Variants in PHYHIPL observed in about 807,000 individuals in gnomAD.
PHYHIPL encodes phytanoyl-CoA 2-hydroxylase interacting protein like, also known as phytanoyl-CoA hydroxylase-interacting protein-like.
Under a neutral mutation model 33.4 loss-of-function variants are expected in PHYHIPL, and 9 were observed. The observed-to-expected ratio is 0.27, with a 90% confidence interval of 0.16 to 0.47. The LOEUF is 0.47. Among genes scored for constraint, PHYHIPL ranks in the 20% least tolerant of loss-of-function variants. PHYHIPL has a pLI of 0.99. For synonymous variants in PHYHIPL, 153 were observed against 154.1 expected (o/e 0.99, Z 0.05); for missense variants, 365 against 460.7 (o/e 0.79, Z 1.90).
intron 1 of PHYHIPL, among the ~76,000 whole-genome samples, chr10:59,210,890 CAG>C (rs1564709800): frequency 6.6e-6 from 1 of 151,960 alleles, no homozygotes; most frequent in Non-Finnish European, 1.5e-5. Flanking sequence ...CACATAGACA[CAG>C]GGAGGGGAAC....
intron 4 of PHYHIPL, among the ~76,000 whole-genome samples, chr10:59,239,493 A>G (rs1840327531): frequency 6.6e-6 from 1 of 152,054 alleles, no homozygotes; most frequent in Admixed American, 6.6e-5. Flanking sequence ...TTACAATTCA[A>G]GATGAGATTT....
Position 59,245,663 on chromosome 10 carries a change from T to C in PHYHIPL, c.*72T>C, listed in dbSNP as rs528044140. ...GCATTGGTCCTCTGTTGTCCATTTT[T>C]ATCACCAGATGTTTTCCACTGAAGC... On this transcript the variant is annotated 3_prime_UTR_variant, in exon 5 of 5. Transcript: ENST00000373880. 2.8e-5 allele frequency: 41 copies of C among 1,453,652 alleles called. No individual in the cohort carries two copies. The African/African-American group carries it at 5.4e-4, about 19-fold the overall frequency. The allele number at this position is 1,453,652 out of a possible 1,614,324, so 90.0% of individuals were successfully genotyped here.
chr10:59,193,993 C>T (rs1196905016), intron 1 of PHYHIPL, among the ~76,000 whole-genome samples: 2 of 151,240 alleles, frequency 1.3e-5, no homozygotes, highest in South Asian at 2.1e-4. Flanking sequence ...TAATGATAAA[C>T]GTTCCAAATT....
intron 1 of PHYHIPL, among the ~76,000 whole-genome samples, chr10:59,210,866 T>G (rs1227457120): frequency 6.6e-6 from 1 of 151,342 alleles, no homozygotes; most frequent in African/African-American, 2.4e-5. Flanking sequence ...TAAGTGGGAG[T>G]TGAACAGTGA....
chr10:59,186,967 C>T (rs886369515), intron 1 of PHYHIPL, among the ~76,000 whole-genome samples: 2 of 152,112 alleles, frequency 1.3e-5, no homozygotes, highest in African/African-American at 4.8e-5. Flanking sequence ...CCTTCTCCTG[C>T]CTGATTGCCC....
chr10:59,184,661 A>G (rs1838516760), intron 1 of PHYHIPL, among the ~76,000 whole-genome samples: 1 of 151,112 alleles, frequency 6.6e-6, no homozygotes, highest in African/African-American at 2.4e-5. Context: ...TTGTATTATT[A>G]TTATACTTTA....
intron 4 of PHYHIPL, among the ~76,000 whole-genome samples, chr10:59,244,565 A>AAAAAAAAAAAAC (rs1290443291): frequency 7.8e-6 from 1 of 128,520 alleles, no homozygotes; most frequent in Non-Finnish European, 1.7e-5. Flanking sequence ...TCTGTCTCAA[A>AAAAAAAAAAAAC]AAAAAAAAAA....
rs1411557143 is a variant in PHYHIPL at position 59,245,065 on chromosome 10, A to G, written c.605A>G (p.His202Arg). ...KEYFDYVREH[H>R]GNAMQPSVKD... ...CTTGTTTTCTCTTGCAGAGAACATCATGGGAATGCTATGCAGCCATCTGTC... is the reference window on the plus strand; with the variant it reads ...CTTGTTTTCTCTTGCAGAGAACATCGTGGGAATGCTATGCAGCCATCTGTC... Residue 202 changes from histidine to arginine, a missense_variant, in exon 5 of 5, where the codon CAT becomes CGT. Coordinates refer to ENST00000373880, the MANE Select transcript of PHYHIPL (RefSeq NM_032439.4). The G allele has an allele frequency of 3.7e-6, 6 of 1,607,566 alleles. No homozygotes were observed. In the South Asian group the frequency reaches 6.7e-5, roughly 18 times the overall value.
chr10:59,238,288 A>G (rs146611596), intron 3 of PHYHIPL, among the ~76,000 whole-genome samples: 4 of 152,086 alleles, frequency 2.6e-5, no homozygotes, highest in Non-Finnish European at 5.9e-5. Context: ...GCTAATGGAT[A>G]TTACTTGGGT....
At chr10:59,208,339 G>A (rs117833720) in intron 1 of PHYHIPL, among the ~76,000 whole-genome samples, 1,850 of 152,290 alleles carry the variant, frequency 0.012, 12 homozygotes, top group African/African-American at 0.023. Flanking sequence ...GAGACTGAAC[G>A]TTAGAAGGAA....
At chr10:59,208,407 A>G (rs765050797) in intron 1 of PHYHIPL, among the ~76,000 whole-genome samples, 3 of 152,090 alleles carry the variant, frequency 2.0e-5, no homozygotes, top group Non-Finnish European at 2.9e-5. Flanking sequence ...CCACACAGAA[A>G]CCTCATCTGA....
At chr10:59,198,980 C>G (rs1055301951) in intron 1 of PHYHIPL, among the ~76,000 whole-genome samples, 1 of 152,066 alleles carries the variant, frequency 6.6e-6, no homozygotes, top group Non-Finnish European at 1.5e-5. Context: ...GAGTAGATTG[C>G]GAAAATTTTC....
At chr10:59,210,786 A>G (rs907163272) in intron 1 of PHYHIPL, among the ~76,000 whole-genome samples, 2 of 152,168 alleles carry the variant, frequency 1.3e-5, no homozygotes, top group African/African-American at 2.4e-5. Context: ...GACTTGAGTG[A>G]AACTGGAAAC....
At chr10:59,191,735 A>G (rs1321992711) in intron 1 of PHYHIPL, among the ~76,000 whole-genome samples, 1 of 152,052 alleles carries the variant, frequency 6.6e-6, no homozygotes, top group Non-Finnish European at 1.5e-5. Context: ...ACTAATTAAT[A>G]GTAAGACTTA....
intron 1 of PHYHIPL, among the ~76,000 whole-genome samples, chr10:59,224,456 G>GAAACA (rs57121387): frequency 0.2 from 28,321 of 139,670 alleles, 2,855 homozygotes; most frequent in South Asian, 0.29. Context: ...CTGTCTCAAG[G>GAAACA]AAACAAAACA....
intron 1 of PHYHIPL, among the ~76,000 whole-genome samples, chr10:59,227,225 C>T (rs1839949788): frequency 6.6e-6 from 1 of 152,122 alleles, no homozygotes; most frequent in Admixed American, 6.5e-5. Flanking sequence ...CTGAGAAGTC[C>T]AAGGTGGAGG....
At chr10:59,217,913 G>A (rs1286630181) in intron 1 of PHYHIPL, among the ~76,000 whole-genome samples, 2 of 152,024 alleles carry the variant, frequency 1.3e-5, no homozygotes, top group Non-Finnish European at 2.9e-5. Flanking sequence ...TATGCTGCCA[G>A]CATACACCTT....
rs16913292 is a variant in PHYHIPL, at chr10:59,202,091, A to C, written c.106+25132A>C. Among the ~76,000 whole-genome samples, 555 of 152,274 alleles carry C rather than the reference A, an allele frequency of 3.6e-3. 11 individuals are homozygous for C. Among genetic ancestry groups the C allele is most frequent in the African/African-American group, 0.013 (520 of 41,576 alleles). On this transcript the variant is annotated intron_variant, in intron 1 of 4. Coordinates refer to ENST00000373880, the MANE Select transcript of PHYHIPL (RefSeq NM_032439.4). The stretch of plus-strand genomic sequence containing the variant: ...AGACCAGGTATAAGGAATCACTCCA[A>C]CGAAGGCTTAGTAGTGACTGGGGTT...
At chr10:59,218,903 A>G (rs1839687273) in intron 1 of PHYHIPL, among the ~76,000 whole-genome samples, 1 of 151,942 alleles carries the variant, frequency 6.6e-6, no homozygotes, top group Non-Finnish European at 1.5e-5. Context: ...TTTTATGTGC[A>G]CAATTTATTC....
Sources: gnomAD v4.1 joint callset for allele counts (sites outside exome capture counted in the v4.1 genomes callset) on GRCh38, gnomAD v4.1.1 for gene constraint, MANE v1.5 for transcripts, NCBI Gene and HGNC (gene_info 2026-07-23, HGNC 2026-07-21) for gene names.